Variants in TYRO3 observed in about 807,000 individuals in gnomAD.
The protein encoded by TYRO3 is TYRO3 protein tyrosine kinase.
Under a neutral mutation model 95.2 loss-of-function variants are expected in TYRO3, and 38 were observed. That is an observed-to-expected ratio of 0.40 (90% confidence interval 0.31 to 0.52). TYRO3 has a LOEUF of 0.52. TYRO3 is among the 20% of genes least tolerant of loss of function. The probability of loss-of-function intolerance (pLI) is 0.56; values close to 1 mark genes in which losing one functional copy is unlikely to be tolerated. For synonymous variants in TYRO3, 367 were observed against 432.9 expected (o/e 0.85, Z 1.89); for missense variants, 812 against 1,116.4 (o/e 0.73, Z 3.89).
At chr15:41,573,205 A>C in intron 16 of TYRO3, 94 bp downstream of exon 16, 1 of 1,562,172 alleles carries the variant, frequency 6.4e-7, no homozygotes, top group Non-Finnish European at 8.8e-7. Context: ...AGTATCTGCT[A>C]TGCATGGGGG....
chr15:41,559,271 G>T lies in TYRO3; in HGVS notation c.14G>T (p.Arg5Leu). The change falls in exon 1 of 19, where the codon CGG (arginine) becomes CTG (leucine). Residue 5 changes from arginine (R) to leucine (L), a missense_variant. By Grantham distance (102) the Arg-to-Leu change is moderately radical (BLOSUM62 -2). Coordinates refer to ENST00000263798, the MANE Select transcript of TYRO3 (RefSeq NM_006293.4). MALR[R>L]SMGRPGLPPL... is the part of the protein sequence containing the mutation. ...GCGTCGCCGCCGATGGCGCTGAGGC[G>T]GAGCATGGGGCGGCCGGGGCTCCCG... 2.2e-6 allele frequency: 1 copy of T among 459,766 alleles called. No individual in the cohort carries two copies. The highest frequency in any genetic ancestry group is 3.3e-6 in the Non-Finnish European group (1 of 300,356). The allele number at this position is 459,766 out of a possible 1,614,324, so 28.5% of individuals were successfully genotyped here.
chr15:41,563,705 G>A (rs1267717553), intron 4 of TYRO3, among the ~76,000 whole-genome samples: 2 of 152,200 alleles, frequency 1.3e-5, no homozygotes, highest in Non-Finnish European at 2.9e-5. Context: ...AGAAGCTAAA[G>A]AACTGAGTAT....
At chr15:41,576,861 G>A (rs534887126) in intron 18 of TYRO3, among the ~76,000 whole-genome samples, 158 of 151,002 alleles carry the variant, frequency 1.0e-3, no homozygotes, top group Middle Eastern at 3.4e-3. Context: ...ACATGGTCTC[G>A]CTATGTTGTC....
chr15:41,560,427 G>GTGTA (rs1566897332), intron 1 of TYRO3, among the ~76,000 whole-genome samples: 1 of 141,848 alleles, frequency 7.0e-6, no homozygotes, highest in East Asian at 2.0e-4. Flanking sequence ...GTGTGTGTGT[G>GTGTA]TGCGCGCGCG....
rs920214202 is a variant in TYRO3 at position 41,561,716 on chromosome 15, G to T, written c.409+77G>T. ...CTGGTGACTATACCTCTGCAGCGGA[G>T]AACTCAGTAGAAGCTGGGCTGCCCC... On this transcript the variant is annotated intron_variant, in intron 3 of 18. Transcript: ENST00000263798. 7.1e-6 allele frequency: 8 copies of T among 1,119,252 alleles called. No homozygotes were observed. In the East Asian group the frequency reaches 1.6e-4, roughly 23 times the overall value. 69.3% of individuals were successfully genotyped at this position (1,119,252 alleles called of 1,614,324 possible). A position where few individuals can be genotyped will look rare whatever the true frequency, so the allele number is the denominator to read the frequency against.
In TYRO3 at chr15:41,573,302, T is replaced by C. The variant is rs2055821541; in HGVS notation, c.1986-6T>C. On this transcript the variant is annotated splice_region_variant and splice_polypyrimidine_tract_variant and intron_variant, in intron 16 of 18. Transcript: ENST00000263798. ...GGCTGACTCTCTCCCTCAATGCCCC[T>C]TGTAGGCTGGCAGAGGACATGACAG... 6.2e-7 allele frequency: 1 copy of C among 1,613,834 alleles called. No homozygotes were observed. Among genetic ancestry groups the C allele is most frequent in the Non-Finnish European group, 8.5e-7 (1 of 1,179,934 alleles).
intron 9 of TYRO3, 31 bp from the exon 10 acceptor site, chr15:41,569,996 T>C: frequency 6.2e-7 from 1 of 1,606,324 alleles, no homozygotes; most frequent in African/African-American, 1.3e-5. Flanking sequence ...GGTGTCATCC[T>C]AGCTCATGCC....
In TYRO3 at chr15:41,568,317, C is replaced by G; in HGVS notation, c.1062C>G (p.Pro354=). The G allele has an allele frequency of 6.2e-7, 1 of 1,614,082 alleles. No individual in the cohort carries two copies. Among genetic ancestry groups the G allele is most frequent in the Non-Finnish European group, 8.5e-7 (1 of 1,179,996 alleles). Residue 354 remains proline (P), a synonymous_variant, in exon 8 of 19, where the codon CCC becomes CCG. Transcript: ENST00000263798. The part of the protein sequence containing the change: ...EVIPEAPLEG[P]LGPYKLSWVQ... ...TCCCCGAGGCCCCTTTGGAAGGCCCCCTGGGACCCTACAAACTGTCCTGGG... is the reference window on the plus strand; with the variant it reads ...TCCCCGAGGCCCCTTTGGAAGGCCCGCTGGGACCCTACAAACTGTCCTGGG...
chr15:41,577,791 A>G (rs1462892267), intron 18 of TYRO3, 95 bp from the exon 19 acceptor site: 2 of 1,198,392 alleles, frequency 1.7e-6, no homozygotes, highest in African/African-American at 3.1e-5. Context: ...CCACCAGGGA[A>G]TAAAATTTTT....
At position 41,575,283 on chromosome 15, in the gene TYRO3, G is replaced by T. The variant is rs550499397; in HGVS notation, c.2282+1468G>T. 2.0e-5 allele frequency among the ~76,000 whole-genome samples: 3 copies of T among 152,354 alleles called. No homozygotes were observed. The South Asian group carries it at 6.2e-4, about 32-fold the overall frequency. On this transcript the variant is annotated intron_variant, in intron 18 of 18. Transcript: ENST00000263798. ...CTGGCCCTCCTGTTCATTCAGCAGAGCTCAGGGCATGGCAAGGGGCAGGAA... is the reference window on the plus strand; with the variant it reads ...CTGGCCCTCCTGTTCATTCAGCAGATCTCAGGGCATGGCAAGGGGCAGGAA...
intron 18 of TYRO3, among the ~76,000 whole-genome samples, chr15:41,574,356 T>C (rs531316822): frequency 1.3e-5 from 2 of 152,254 alleles, no homozygotes; most frequent in African/African-American, 2.4e-5. Context: ...GGGCAGGCAA[T>C]GATACCACCC....
Position 41,561,299 on chromosome 15 carries a change from C to T in TYRO3, c.297C>T (p.Ile99=), listed in dbSNP as rs771688086. ...TCCCAGTCAGCGAGCAGCACTGGATCGGCTTCCTCAGGTGCAGGCCTGTGG... is the reference window on the plus strand; with the variant it reads ...TCCCAGTCAGCGAGCAGCACTGGATTGGCTTCCTCAGGTGCAGGCCTGTGG... ...LYIPVSEQHW[I]GFLSLKSVER... Residue 99 remains isoleucine, a synonymous_variant, in exon 2 of 19, where the codon ATC becomes ATT. Transcript: ENST00000263798. 25 of 1,611,752 alleles carry T rather than the reference C, an allele frequency of 1.6e-5. No homozygotes were observed. The highest frequency in any genetic ancestry group is 6.6e-5 in the South Asian group (6 of 90,794).
intron 1 of TYRO3, 93 bp downstream of exon 1, chr15:41,559,474 T>C: frequency 4.8e-6 from 1 of 208,032 alleles, no homozygotes; most frequent in Non-Finnish European, 9.3e-6. Flanking sequence ...CGGGCTGGAG[T>C]CGGGGTGGGG....
intron 13 of TYRO3, among the ~76,000 whole-genome samples, 193 bp downstream of exon 13, chr15:41,571,311 C>G (rs552695910): frequency 1.3e-5 from 2 of 152,364 alleles, no homozygotes; most frequent in South Asian, 2.1e-4. Flanking sequence ...AGCCATTGCT[C>G]TCTGCCATCG....
intron 9 of TYRO3, 50 bp from the exon 10 acceptor site, chr15:41,569,977 G>A (rs1168932996): frequency 6.3e-7 from 1 of 1,585,972 alleles, no homozygotes; most frequent in Non-Finnish European, 8.6e-7. Context: ...AGTTCTGAAG[G>A]GACCTCATGG....
intron 1 of TYRO3, among the ~76,000 whole-genome samples, chr15:41,560,788 G>T (rs1293233818): frequency 6.6e-6 from 1 of 150,734 alleles, no homozygotes; most frequent in African/African-American, 2.5e-5. Flanking sequence ...TGTTGCACTA[G>T]TTGGGTGCAG....
At chr15:41,573,534 G>T (rs1566903519) in intron 17 of TYRO3, 67 bp downstream of exon 17, 2 of 1,575,710 alleles carry the variant, frequency 1.3e-6, no homozygotes, top group Admixed American at 3.4e-5. Flanking sequence ...GATCCTTAAG[G>T]GCCTAGCCAA....
At chr15:41,572,340 G>C (rs937277670) in intron 14 of TYRO3, 103 bp from the exon 15 acceptor site, 1 of 1,483,098 alleles carries the variant, frequency 6.7e-7, no homozygotes, top group Non-Finnish European at 9.1e-7. Flanking sequence ...ATAAATAGCA[G>C]AGCCAGAGCT....
intron 6 of TYRO3, 51 bp from the exon 7 acceptor site, chr15:41,567,309 C>T: frequency 7.1e-7 from 1 of 1,400,172 alleles, no homozygotes; most frequent in South Asian, 1.7e-5. Context: ...ATCCCATCTT[C>T]CATCTCTCAC....
Sources: gnomAD v4.1 joint callset for allele counts (sites outside exome capture counted in the v4.1 genomes callset) on GRCh38, gnomAD v4.1.1 for gene constraint, MANE v1.5 for transcripts, NCBI Gene and HGNC (gene_info 2026-07-23, HGNC 2026-07-21) for gene names.